The following TRAPPC9 variants were observed in gnomAD, a reference collection of about 807,000 sequenced individuals.
TRAPPC9 encodes the protein IKK2 binding protein.
In TRAPPC9, 83 loss-of-function variants were observed where a neutral mutation model predicts 124.0. The ratio of observed to expected loss-of-function variants is 0.67; its 90% CI spans 0.56 to 0.80. The LOEUF (loss-of-function observed/expected upper bound fraction) is 0.80. Among genes scored for constraint, TRAPPC9 ranks in the 30% least tolerant of loss-of-function variants. The pLI, the probability that TRAPPC9 is intolerant of heterozygous loss-of-function variation, is 0.00. For missense variants in TRAPPC9, 1,302 were observed against 1,508.3 expected (o/e 0.86, Z 2.27); for synonymous variants, 638 against 617.5 (o/e 1.03, Z -0.49).
rs566883623 is a variant in TRAPPC9 at position 140,257,531 on chromosome 8, G to C, written c.2279-4602C>G. Reference sequence around the variant, plus strand: ...GGACCCCGTGCCATGCGAGCGCACAGGGGAGGGAGGAAAGAAGCACACGTC... The same window carrying C: ...GGACCCCGTGCCATGCGAGCGCACACGGGAGGGAGGAAAGAAGCACACGTC... On this transcript the variant is annotated intron_variant, in intron 15 of 22. Transcript: ENST00000438773. The surrounding 1 kb of genome is among the most constrained non-coding windows in gnomAD (Gnocchi z 4.6). Among the ~76,000 whole-genome samples the C allele has an allele frequency of 2.0e-5, 3 of 152,356 alleles. No homozygotes were observed. Among genetic ancestry groups the C allele is most frequent in the South Asian group, 4.1e-4 (2 of 4,834 alleles).
chr8:140,414,641 C>G (rs2069836273), intron 5 of TRAPPC9, among the ~76,000 whole-genome samples: 1 of 152,138 alleles, frequency 6.6e-6, no homozygotes, highest in Admixed American at 6.5e-5. Flanking sequence ...ATATCAACAA[C>G]AGAATGAAAT....
intron 21 of TRAPPC9, among the ~76,000 whole-genome samples, chr8:139,827,430 G>A (rs1586931621): frequency 1.3e-5 from 2 of 152,206 alleles, no homozygotes; most frequent in East Asian, 1.9e-4. Context: ...AAGACACCAC[G>A]GCAAGCTGGG....
At chr8:140,359,094 T>G (rs1457370405) in intron 9 of TRAPPC9, among the ~76,000 whole-genome samples, 2 of 152,062 alleles carry the variant, frequency 1.3e-5, no homozygotes, top group African/African-American at 4.8e-5. Context: ...CAGAACAACA[T>G]GGGACACGTC....
At chr8:139,832,889 T>C (rs1481787152) in intron 21 of TRAPPC9, among the ~76,000 whole-genome samples, 2 of 152,174 alleles carry the variant, frequency 1.3e-5, no homozygotes, top group Non-Finnish European at 2.9e-5. Context: ...CATTCTCTGC[T>C]AAAAGGGAGA....
intron 7 of TRAPPC9, among the ~76,000 whole-genome samples, chr8:140,378,051 C>T (rs1351039604): frequency 1.3e-5 from 2 of 152,152 alleles, no homozygotes; most frequent in Non-Finnish European, 2.9e-5. Flanking sequence ...CCAGAGCTTC[C>T]GTGAACCTTT....
At chr8:140,044,372 T>C (rs1841453700) in intron 17 of TRAPPC9, among the ~76,000 whole-genome samples, 1 of 151,780 alleles carries the variant, frequency 6.6e-6, no homozygotes, top group Non-Finnish European at 1.5e-5. Context: ...ACTGTTCCCC[T>C]ACAACCACTC....
At chr8:140,166,153 C>A (rs575720956) in intron 17 of TRAPPC9, among the ~76,000 whole-genome samples, 1 of 152,192 alleles carries the variant, frequency 6.6e-6, no homozygotes, top group Admixed American at 6.5e-5. Flanking sequence ...AAGGCATGAC[C>A]GAAAGCTCCC....
At chr8:140,305,848 T>C (rs1221494972) in intron 10 of TRAPPC9, among the ~76,000 whole-genome samples, 1 of 152,194 alleles carries the variant, frequency 6.6e-6, no homozygotes, top group Non-Finnish European at 1.5e-5. Flanking sequence ...GGGAGGTATG[T>C]CTCATCAACC....
chr8:139,763,432 G>A (rs1270506088), intron 21 of TRAPPC9, among the ~76,000 whole-genome samples: 2 of 152,122 alleles, frequency 1.3e-5, no homozygotes, highest in Admixed American at 6.6e-5. Flanking sequence ...CCCCTCTCCC[G>A]TGGGGACATG....
chr8:140,269,743 A>T (rs1197394390), intron 15 of TRAPPC9, among the ~76,000 whole-genome samples: 2 of 152,132 alleles, frequency 1.3e-5, no homozygotes, highest in Non-Finnish European at 2.9e-5. Flanking sequence ...TTATAATAAA[A>T]GTTTGAGGAT....
chr8:140,187,731 G>A (rs2062384328), intron 17 of TRAPPC9, among the ~76,000 whole-genome samples: 1 of 152,140 alleles, frequency 6.6e-6, no homozygotes, highest in Admixed American at 6.5e-5. Flanking sequence ...CTGGAGTACA[G>A]TGGCTCGATC....
chr8:139,747,189 C>A (rs1027815237), intron 21 of TRAPPC9, among the ~76,000 whole-genome samples: 1 of 152,162 alleles, frequency 6.6e-6, no homozygotes, highest in Non-Finnish European at 1.5e-5. Flanking sequence ...CCCAGGCAGG[C>A]CCCCCGCCCC....
Position 140,311,435 on chromosome 8 carries a change from T to G in TRAPPC9, c.1496-61A>C, listed in dbSNP as rs1294489606. 3.1e-6 allele frequency: 5 copies of G among 1,596,226 alleles called. No individual in the cohort carries two copies. In the Admixed American group the frequency reaches 8.4e-5, roughly 27 times the overall value. ...AGGCAAAAGTCAAAGTGGCTGGCTTTCATTTTACTTGGGGCATTTCATGAC... is the reference window on the plus strand; with the variant it reads ...AGGCAAAAGTCAAAGTGGCTGGCTTGCATTTTACTTGGGGCATTTCATGAC... On this transcript the variant is annotated intron_variant, in intron 9 of 22. Transcript: ENST00000438773.
At chr8:139,838,407 C>T (rs143037558) in intron 21 of TRAPPC9, among the ~76,000 whole-genome samples, 4 of 152,336 alleles carry the variant, frequency 2.6e-5, no homozygotes, top group East Asian at 1.9e-4. Context: ...ACCCGAAACA[C>T]GAACAAGCAA....
rs1462938738 is a variant in TRAPPC9 at position 140,424,157 on chromosome 8, T to TG, written c.886+2457_886+2458insC. The stretch of plus-strand genomic sequence containing the variant: ...TAGTTTGTTTGTTTGTTTGTTTGTT[T>TG]TTTTAAAAAAAAGCACCTTAGAACA... On this transcript the variant is annotated intron_variant, in intron 5 of 22. Transcript: ENST00000438773. 3.2e-3 allele frequency among the ~76,000 whole-genome samples: 469 copies of TG among 144,442 alleles called. 2 individuals carry two copies. Among genetic ancestry groups the TG allele is most frequent in the African/African-American group, 0.013 (446 of 34,242 alleles). The allele number at this position is 144,442 out of a possible 152,430, so 94.8% of individuals were successfully genotyped here.
At chr8:139,799,674 G>A (rs1308926795) in intron 21 of TRAPPC9, among the ~76,000 whole-genome samples, 2 of 152,204 alleles carry the variant, frequency 1.3e-5, no homozygotes, top group African/African-American at 2.4e-5. Context: ...CACTCAGTCC[G>A]TGGGCAAGGA....
At chr8:139,816,490 C>T (rs111616413) in intron 21 of TRAPPC9, among the ~76,000 whole-genome samples, 1 of 152,212 alleles carries the variant, frequency 6.6e-6, no homozygotes, top group East Asian at 1.9e-4. Flanking sequence ...AAGGGGGCTG[C>T]CCCCATCTCA....
At chr8:140,048,128 G>C (rs1280265341) in intron 17 of TRAPPC9, among the ~76,000 whole-genome samples, 1 of 152,248 alleles carries the variant, frequency 6.6e-6, no homozygotes, top group Admixed American at 6.5e-5. Context: ...GACACAATTG[G>C]CTTGTCCATG....
At chr8:140,176,003 G>C (rs1005250664) in intron 17 of TRAPPC9, among the ~76,000 whole-genome samples, 3 of 152,218 alleles carry the variant, frequency 2.0e-5, no homozygotes, top group African/African-American at 7.2e-5. Flanking sequence ...GAAACTGAGA[G>C]TCTGATGGAA....
Sources: gnomAD v4.1 joint callset for allele counts (sites outside exome capture counted in the v4.1 genomes callset) on GRCh38, gnomAD v4.1.1 for gene constraint, Gnocchi (gnomAD v3.1) non-coding constraint, MANE v1.5 for transcripts, NCBI Gene and HGNC (gene_info 2026-07-23, HGNC 2026-07-21) for gene names.